LRRC17: variants seen among roughly 807,000 people sequenced by gnomAD.
LRRC17 encodes the protein leucine-rich repeat-containing protein 17.
LRRC17 carries 33 observed loss-of-function variants against 41.5 expected under a neutral mutation model. The observed-to-expected ratio is 0.80, with a 90% confidence interval of 0.60 to 1.06. The LOEUF is 1.06. LRRC17 is among the 50% of genes least tolerant of loss of function. LRRC17 has a pLI of 0.00. For missense variants in LRRC17, 491 were observed against 519.3 expected, an observed-to-expected ratio of 0.95 and a Z score of 0.53; for synonymous variants, 192 against 197.0, an observed-to-expected ratio of 0.97 and a Z score of 0.21.
chr7:102,927,553 A>T (rs1251590821), intron 1 of LRRC17, among the ~76,000 whole-genome samples: 1 of 152,184 alleles, frequency 6.6e-6, no homozygotes, highest in Non-Finnish European at 1.5e-5. Flanking sequence ...CATCTGTCAC[A>T]CTCAGATAGG....
rs1176327454 is a variant in LRRC17 at position 102,923,684 on chromosome 7, C to T, written c.-140-10090C>T. 3.3e-5 allele frequency among the ~76,000 whole-genome samples: 5 copies of T among 151,766 alleles called. No homozygotes were observed. The East Asian group carries it at 7.8e-4, about 24-fold the overall frequency. ...AAAAATACAAAAAAACTTAGCCAGG[C>T]GTGGTGGCGGGCGCCTGTAATCCCA... On this transcript the variant is annotated intron_variant, in intron 1 of 3. Transcript: ENST00000339431.
At chr7:102,918,602 G>A (rs893915059) in intron 1 of LRRC17, among the ~76,000 whole-genome samples, 11 of 152,168 alleles carry the variant, frequency 7.2e-5, no homozygotes, top group Non-Finnish European at 1.5e-4. Context: ...GATTGCCTGA[G>A]GCCATGAGTT....
chr7:102,914,638 C>A (rs1278416760), intron 1 of LRRC17, among the ~76,000 whole-genome samples: 1 of 152,180 alleles, frequency 6.6e-6, no homozygotes, highest in Admixed American at 6.5e-5. Flanking sequence ...TAATGATTTG[C>A]ATGCCATAGC....
chr7:102,918,643 T>C (rs1816375786), intron 1 of LRRC17, among the ~76,000 whole-genome samples: 1 of 152,152 alleles, frequency 6.6e-6, no homozygotes, highest in Non-Finnish European at 1.5e-5. Flanking sequence ...TAGTGAGATC[T>C]TGTCTCTACA....
intron 1 of LRRC17, among the ~76,000 whole-genome samples, chr7:102,920,501 C>T (rs1314871359): frequency 6.6e-6 from 1 of 151,970 alleles, no homozygotes; most frequent in African/African-American, 2.4e-5. Flanking sequence ...AGGTGCATGC[C>T]ACCACACCCA....
chr7:102,935,206 A>G (rs375542820), intron 2 of LRRC17, among the ~76,000 whole-genome samples: 49 of 141,336 alleles, frequency 3.5e-4, no homozygotes, highest in Middle Eastern at 3.7e-3. Context: ...GTTTTAATAA[A>G]TGCTCCTATG....
At chr7:102,939,867 T>C (rs1194060844) in intron 3 of LRRC17, among the ~76,000 whole-genome samples, 1 of 152,068 alleles carries the variant, frequency 6.6e-6, no homozygotes, top group Non-Finnish European at 1.5e-5. Context: ...ATATGGCAAA[T>C]GGTCAATAGT....
rs573911197 is a variant in LRRC17, at chr7:102,926,322, T to A, written c.-140-7452T>A. The A allele has an allele frequency of 3.7e-6, 6 of 1,613,932 alleles. No individual in the cohort carries two copies. The African/African-American group carries it at 5.3e-5, about 14-fold the overall frequency. ...GTTGGTGATAGTTGTGTTAGACAGA[T>A]TGAGACACAGGACCCCCGGGCAGCC... On this transcript the variant is annotated intron_variant, in intron 1 of 3. Transcript: ENST00000339431.
In LRRC17 at chr7:102,944,800, A is replaced by G. The variant is rs765868788; in HGVS notation, c.*193A>G. 49 of 527,498 alleles carry G rather than the reference A, an allele frequency of 9.3e-5. No homozygotes were observed. Among genetic ancestry groups the G allele is most frequent in the Non-Finnish European group, 1.5e-4 (47 of 311,818 alleles). 32.7% of individuals were successfully genotyped at this position (527,498 alleles called of 1,614,324 possible). ...ATGCTATCATCCTGCTTGCCTGTCC[A>G]TTTGTGGAACAGCATCTGGTGATAT... On this transcript the variant is annotated 3_prime_UTR_variant, in exon 4 of 4. Coordinates refer to ENST00000339431, the MANE Select transcript of LRRC17 (RefSeq NM_001031692.3).
intron 1 of LRRC17, among the ~76,000 whole-genome samples, chr7:102,928,644 C>G (rs1357362279): frequency 6.6e-6 from 1 of 152,172 alleles, no homozygotes; most frequent in East Asian, 1.9e-4. Flanking sequence ...TACTCAAGTA[C>G]ACAACTGAAG....
Position 102,934,853 on chromosome 7 carries a change from C to T in LRRC17, c.772+168C>T, listed in dbSNP as rs1436198134. 4.6e-5 allele frequency among the ~76,000 whole-genome samples: 7 copies of T among 152,300 alleles called. No homozygotes were observed. The East Asian group carries it at 1.2e-3, about 25-fold the overall frequency. On this transcript the variant is annotated intron_variant, in intron 2 of 3. Coordinates refer to ENST00000339431, the MANE Select transcript of LRRC17 (RefSeq NM_001031692.3). ...ACCACAAGTTTTTCTGGGGTCCAGA[C>T]TCAAGGCAGTTGGTAATTAAAGGAC...
At chr7:102,917,877 G>T (rs897714284) in intron 1 of LRRC17, among the ~76,000 whole-genome samples, 5 of 152,088 alleles carry the variant, frequency 3.3e-5, no homozygotes, top group Non-Finnish European at 7.3e-5. Context: ...GTTTAGTTCC[G>T]GAAACATTTA....
intron 2 of LRRC17, among the ~76,000 whole-genome samples, chr7:102,935,169 C>T (rs1452603365): frequency 6.7e-6 from 1 of 149,354 alleles, no homozygotes; most frequent in Non-Finnish European, 1.5e-5. Flanking sequence ...GATGGCCCTT[C>T]GGTATTTCTT....
rs1819784840 is a variant in LRRC17 at position 102,934,107 on chromosome 7, T to TA, written c.195dup (p.Asp66ArgfsTer40). 5 of 1,613,988 alleles carry TA rather than the reference T, an allele frequency of 3.1e-6. No homozygotes were observed. Among genetic ancestry groups the TA allele is most frequent in the Non-Finnish European group, 3.4e-6 (4 of 1,179,958 alleles). On this transcript the variant is annotated frameshift_variant, in exon 2 of 4. Coordinates refer to ENST00000339431, the MANE Select transcript of LRRC17 (RefSeq NM_001031692.3). LOFTEE classifies it high-confidence loss of function. ...TACACATATCTCCATGAGAAATACTTAGATTGTCAAGAAAGAAAATTAGTT... is the reference window on the plus strand; with the variant it reads ...TACACATATCTCCATGAGAAATACTTAAGATTGTCAAGAAAGAAAATTAGTT...
intron 1 of LRRC17, among the ~76,000 whole-genome samples, chr7:102,932,690 G>T (rs1367325717): frequency 6.7e-6 from 1 of 149,494 alleles, no homozygotes; most frequent in Non-Finnish European, 1.5e-5. Flanking sequence ...AACCTCCCAG[G>T]CTCAGGCGAT....
rs78684045 is a variant in LRRC17 at position 102,926,335 on chromosome 7, C to T, written c.-140-7439C>T. ...GTGTTAGACAGATTGAGACACAGGA[C>T]CCCCGGGCAGCCCTCAGAAATGTGT... On this transcript the variant is annotated intron_variant, in intron 1 of 3. Coordinates refer to ENST00000339431, the MANE Select transcript of LRRC17 (RefSeq NM_001031692.3). The T allele has an allele frequency of 2.1e-5, 34 of 1,613,774 alleles. No individual in the cohort carries two copies. In the East Asian group the frequency reaches 7.1e-4, roughly 34 times the overall value.
At chr7:102,938,536 T>A (rs1585040948) in intron 2 of LRRC17, among the ~76,000 whole-genome samples, 1 of 152,072 alleles carries the variant, frequency 6.6e-6, no homozygotes, top group Non-Finnish European at 1.5e-5. Flanking sequence ...TTGTAAGGGG[T>A]AATAATCAAG....
chr7:102,927,986 C>T (rs1338596697), intron 1 of LRRC17, among the ~76,000 whole-genome samples: 4 of 152,198 alleles, frequency 2.6e-5, no homozygotes, highest in Non-Finnish European at 4.4e-5. Flanking sequence ...AAAGAGCTCA[C>T]TTAAACACCC....
intron 2 of LRRC17, among the ~76,000 whole-genome samples, chr7:102,935,556 G>A (rs1301294971): frequency 6.6e-6 from 1 of 152,090 alleles, no homozygotes; most frequent in Non-Finnish European, 1.5e-5. Flanking sequence ...ACTGGGTTTT[G>A]CAACCGATGC....
Sources: gnomAD v4.1 joint callset for allele counts (sites outside exome capture counted in the v4.1 genomes callset) on GRCh38, gnomAD v4.1.1 for gene constraint, MANE v1.5 for transcripts, NCBI Gene and HGNC (gene_info 2026-07-23, HGNC 2026-07-21) for gene names.